The following RAB15 variants were observed in gnomAD, a reference collection of about 807,000 sequenced individuals.
The protein encoded by RAB15 is ras-related protein Rab-15.
In RAB15, 13 loss-of-function variants were observed where a neutral mutation model predicts 31.8. The observed-to-expected ratio is 0.41, with a 90% CI of 0.27 to 0.65. The LOEUF (loss-of-function observed/expected upper bound fraction) is 0.65, where lower values mean the gene tolerates loss of function less well. Ranked by LOEUF, RAB15 falls within the 30% of genes least tolerant of loss-of-function variation. The probability of loss-of-function intolerance (pLI) is 0.32; values close to 1 mark genes in which losing one functional copy is unlikely to be tolerated. For missense variants in RAB15, 220 were observed against 277.3 expected (o/e 0.79, Z 1.47); for synonymous variants, 100 against 105.6 (o/e 0.95, Z 0.33).
intron 1 of RAB15, among the ~76,000 whole-genome samples, chr14:64,957,254 A>G (rs974399818): frequency 6.6e-6 from 1 of 152,092 alleles, no homozygotes; most frequent in Non-Finnish European, 1.5e-5. Context: ...TTAAGTGTAG[A>G]AGGAGAATAC....
In RAB15 at chr14:64,972,132, C is replaced by T. The variant is rs1887464061; in HGVS notation, c.-56G>A. On this transcript the variant is annotated 5_prime_UTR_variant, in exon 1 of 7. Transcript: ENST00000533601. This position sits in a 1 kb window ranked among gnomAD's most constrained non-coding sequence, Gnocchi z 6.3. ...GCGGGCAGCGGGCTCAGCCCTGCTC[C>T]GCCGCTGCCATCGCGGCCCGCGCCC... 3.9e-6 allele frequency: 5 copies of T among 1,281,126 alleles called. No individual in the cohort carries two copies. In the East Asian group the frequency reaches 1.5e-4, roughly 40 times the overall value. The allele number at this position is 1,281,126 out of a possible 1,614,324, so 79.4% of individuals were successfully genotyped here.
Position 64,955,657 on chromosome 14 carries a change from C to T in RAB15, c.125-3086G>A, listed in dbSNP as rs539066800. Among the ~76,000 whole-genome samples, 81 of 152,312 alleles carry T rather than the reference C, an allele frequency of 5.3e-4. No homozygotes were observed. The highest frequency in any genetic ancestry group is 1.9e-3 in the African/African-American group (77 of 41,552). ...GATACCTTCTCCACTGTTTTATGGC[C>T]CAGATGAATGCCTTTCCTCTGAAGC... On this transcript the variant is annotated intron_variant, in intron 1 of 6. Transcript: ENST00000533601. The surrounding 1 kb of genome is among the most constrained non-coding windows in gnomAD (Gnocchi z 4.4).
chr14:64,953,080 T>G lies in RAB15; in HGVS notation c.125-509A>C, dbSNP rs569863460. Among the ~76,000 whole-genome samples, 1 of 152,274 alleles carries G rather than the reference T, an allele frequency of 6.6e-6. No individual in the cohort carries two copies. Among genetic ancestry groups the G allele is most frequent in the East Asian group, 1.9e-4 (1 of 5,184 alleles). On this transcript the variant is annotated intron_variant, in intron 1 of 6. Transcript: ENST00000533601. This position sits in a 1 kb window ranked among gnomAD's most constrained non-coding sequence, Gnocchi z 4.6. ...AGAGGAGGGCTCTTCCAACCCATGATTGTACCTGAAGCCTCAGCACCCAGC... is the reference window on the plus strand; with the variant it reads ...AGAGGAGGGCTCTTCCAACCCATGAGTGTACCTGAAGCCTCAGCACCCAGC...
In RAB15 at chr14:64,951,188, A is replaced by C; in HGVS notation, c.247-37T>G. On this transcript the variant is annotated intron_variant, in intron 3 of 6. Coordinates refer to ENST00000533601, the MANE Select transcript of RAB15 (RefSeq NM_001308154.2). The surrounding 1 kb of genome is among the most constrained non-coding windows in gnomAD (Gnocchi z 7.2). ...AGAAATAGAGAGATGTGATATGCACAGAGAGAGTGCAGTCATGGGGCCAGA... is the reference window on the plus strand; with the variant it reads ...AGAAATAGAGAGATGTGATATGCACCGAGAGAGTGCAGTCATGGGGCCAGA... The C allele has an allele frequency of 1.3e-6, 2 of 1,544,124 alleles. No homozygotes were observed. Among genetic ancestry groups the C allele is most frequent in the South Asian group, 1.1e-5 (1 of 89,384 alleles).
In RAB15 at chr14:64,952,456, G is replaced by T; in HGVS notation, c.185+55C>A. 3 of 1,351,556 alleles carry T rather than the reference G, an allele frequency of 2.2e-6. No individual in the cohort carries two copies. The South Asian group carries it at 3.5e-5, about 16-fold the overall frequency. 83.7% of individuals were successfully genotyped at this position (1,351,556 alleles called of 1,614,324 possible). Reference sequence around the variant, plus strand: ...TTTACACATGGCAGGGGCAGCTAAGGAGCAGCCAGAAGTCCTCTTCTCCTA... The same window carrying T: ...TTTACACATGGCAGGGGCAGCTAAGTAGCAGCCAGAAGTCCTCTTCTCCTA... On this transcript the variant is annotated intron_variant, in intron 2 of 6. Transcript: ENST00000533601. This position sits in a 1 kb window ranked among gnomAD's most constrained non-coding sequence, Gnocchi z 4.2.
intron 1 of RAB15, among the ~76,000 whole-genome samples, chr14:64,963,109 C>CTTT (rs1165246293): frequency 1.2e-4 from 12 of 96,404 alleles, no homozygotes; most frequent in East Asian, 1.0e-3. Context: ...CCCTTCCCCA[C>CTTT]TTTTTTTTTT....
chr14:64,960,780 T>G (rs1282844988), intron 1 of RAB15, among the ~76,000 whole-genome samples: 1 of 151,936 alleles, frequency 6.6e-6, no homozygotes, highest in Non-Finnish European at 1.5e-5. Flanking sequence ...AGGCTTATGT[T>G]GGGGAGAGGA....
chr14:64,950,701 C>G lies in RAB15; in HGVS notation c.325-287G>C. On this transcript the variant is annotated intron_variant, in intron 4 of 6. Coordinates refer to ENST00000533601, the MANE Select transcript of RAB15 (RefSeq NM_001308154.2). The surrounding 1 kb of genome is among the most constrained non-coding windows in gnomAD (Gnocchi z 5.6). ...ATTGGATGTAAGTCCAGCCCTCATT[C>G]TACAGGAACTGGGGACCCAGAGGAT... 1 of 595,498 alleles carries G rather than the reference C, an allele frequency of 1.7e-6. No homozygotes were observed. 36.9% of individuals were successfully genotyped at this position (595,498 alleles called of 1,614,324 possible). A position where few individuals can be genotyped will look rare whatever the true frequency, so the allele number is the denominator to read the frequency against.
Position 64,946,484 on chromosome 14 carries a change from G to A in RAB15, c.*1870C>T, listed in dbSNP as rs1345477395. 3 of 152,284 alleles carry A rather than the reference G, an allele frequency of 2.0e-5. No homozygotes were observed. The highest frequency in any genetic ancestry group is 7.2e-5 in the African/African-American group (3 of 41,462). 9.4% of individuals were successfully genotyped at this position (152,284 alleles called of 1,614,324 possible). A position where few individuals can be genotyped will look rare whatever the true frequency, so the allele number is the denominator to read the frequency against. ...AGCCTAGTCACAGCTTCATCCTAGA[G>A]TTAGCTGTCTCCTTTTCTCATTAGC... On this transcript the variant is annotated 3_prime_UTR_variant, in exon 7 of 7. Transcript: ENST00000533601.
chr14:64,966,788 A>G (rs1887164502), intron 1 of RAB15, among the ~76,000 whole-genome samples: 1 of 152,154 alleles, frequency 6.6e-6, no homozygotes, highest in Non-Finnish European at 1.5e-5. Context: ...CATTCTGCTC[A>G]TTGCTTCTCA....
At chr14:64,949,722 CAAAAAAA>C (rs200189142) in intron 5 of RAB15, among the ~76,000 whole-genome samples, 1 of 85,408 alleles carries the variant, frequency 1.2e-5, no homozygotes, top group African/African-American at 4.6e-5. Context: ...GACTCCATCT[CAAAAAAA>C]AAAAAAAAAA....
rs1176849305 is a variant in RAB15 at position 64,955,187 on chromosome 14, A to G, written c.125-2616T>C. Among the ~76,000 whole-genome samples the G allele has an allele frequency of 6.6e-6, 1 of 152,196 alleles. No homozygotes were observed. The highest frequency in any genetic ancestry group is 2.4e-5 in the African/African-American group (1 of 41,436). On this transcript the variant is annotated intron_variant, in intron 1 of 6. Coordinates refer to ENST00000533601, the MANE Select transcript of RAB15 (RefSeq NM_001308154.2). The surrounding 1 kb of genome is among the most constrained non-coding windows in gnomAD (Gnocchi z 4.4). ...GGCTATTCATATGCATTCACATATG[A>G]TGGAAGAAACAGAGTAAGTCTATGT... is the stretch of plus-strand genomic sequence containing the variant.
rs1190473595 is a variant in RAB15 at position 64,970,383 on chromosome 14, GT to G, written c.124+1569del. Among the ~76,000 whole-genome samples the G allele has an allele frequency of 6.6e-6, 1 of 152,200 alleles. No individual in the cohort carries two copies. The highest frequency in any genetic ancestry group is 1.9e-4 in the East Asian group (1 of 5,192). On this transcript the variant is annotated intron_variant, in intron 1 of 6. Coordinates refer to ENST00000533601, the MANE Select transcript of RAB15 (RefSeq NM_001308154.2). This position sits in a 1 kb window ranked among gnomAD's most constrained non-coding sequence, Gnocchi z 4.1. ...TCCTCCCGGCAGGCACAAAGCCTTA[GT>G]GTCTATAGGCTCCCCTTCTTTCTGC...
At chr14:64,956,233 G>A (rs182187061) in intron 1 of RAB15, among the ~76,000 whole-genome samples, 55 of 151,922 alleles carry the variant, frequency 3.6e-4, no homozygotes, top group African/African-American at 1.3e-3. Flanking sequence ...TGAAACCCCC[G>A]TCTCTACTAA....
rs1332781042 is a variant in RAB15, at chr14:64,955,698, G to A, written c.125-3127C>T. ...CCTCTGAAGCCACCTCCTTTCTTCA[G>A]ATTTTCCTAAGTTCTCTCTGCCTTC... is the stretch of plus-strand genomic sequence containing the variant. On this transcript the variant is annotated intron_variant, in intron 1 of 6. Coordinates refer to ENST00000533601, the MANE Select transcript of RAB15 (RefSeq NM_001308154.2). The surrounding 1 kb of genome is among the most constrained non-coding windows in gnomAD (Gnocchi z 4.4). Among the ~76,000 whole-genome samples, 1 of 152,128 alleles carries A rather than the reference G, an allele frequency of 6.6e-6. No homozygotes were observed. The highest frequency in any genetic ancestry group is 2.4e-5 in the African/African-American group (1 of 41,428).
At chr14:64,963,024 C>T (rs1886937849) in intron 1 of RAB15, among the ~76,000 whole-genome samples, 1 of 151,368 alleles carries the variant, frequency 6.6e-6, no homozygotes, top group African/African-American at 2.4e-5. Flanking sequence ...AAATGGCATG[C>T]GTAAAGCCCA....
Position 64,958,413 on chromosome 14 carries a change from C to G in RAB15, c.125-5842G>C, listed in dbSNP as rs940582265. ...GAGCTAGAAGGTGCCACCTTTGTCA[C>G]AGAGCATCAGCCTTCACCAGACACT... On this transcript the variant is annotated intron_variant, in intron 1 of 6. Transcript: ENST00000533601. The surrounding 1 kb of genome is among the most constrained non-coding windows in gnomAD (Gnocchi z 4.4). 6.6e-6 allele frequency among the ~76,000 whole-genome samples: 1 copy of G among 152,186 alleles called. No homozygotes were observed. Among genetic ancestry groups the G allele is most frequent in the African/African-American group, 2.4e-5 (1 of 41,446 alleles).
At position 64,948,730 on chromosome 14, in the gene RAB15, C is replaced by A; in HGVS notation, c.418G>T (p.Ala140Ser). The A allele has an allele frequency of 6.2e-7, 1 of 1,613,698 alleles. No individual in the cohort carries two copies. The highest frequency in any genetic ancestry group is 8.5e-7 in the Non-Finnish European group (1 of 1,179,852). Residue 140 changes from alanine to serine, a missense_variant, in exon 6 of 7, where the codon GCG (alanine) becomes TCG (serine). By Grantham distance (99) the Ala-to-Ser change is moderately conservative (BLOSUM62 1). Coordinates refer to ENST00000533601, the MANE Select transcript of RAB15 (RefSeq NM_001308154.2). This position sits in a 1 kb window ranked among gnomAD's most constrained non-coding sequence, Gnocchi z 7.0. ...TAGAAGTCCATGCCATACTCCTTCG[C>A]CAGCTGCAAGAGAAGGACATTTCTG... The part of the protein sequence containing the change: ...QVGREQGQQL[A>S]KEYGMDFYET...
chr14:64,956,467 C>A (rs965612925), intron 1 of RAB15, among the ~76,000 whole-genome samples: 23 of 151,654 alleles, frequency 1.5e-4, no homozygotes, highest in African/African-American at 5.3e-4. Context: ...TATGCAAATT[C>A]TTGGGCCTTA....
Sources: allele counts gnomAD v4.1 joint callset (sites outside exome capture counted in the v4.1 genomes callset), GRCh38; gene constraint gnomAD v4.1.1; non-coding constraint Gnocchi (gnomAD v3.1); transcripts MANE v1.5; gene names NCBI Gene and HGNC (gene_info 2026-07-23, HGNC 2026-07-21).